Variants in TNFRSF19 observed in about 807,000 individuals in gnomAD.
TNFRSF19 encodes tumor necrosis factor receptor superfamily member 19.
TNFRSF19 carries 27 observed loss-of-function variants against 46.4 expected under a neutral mutation model. That is an observed-to-expected ratio of 0.58 (90% CI 0.43 to 0.80). TNFRSF19 has a LOEUF of 0.80. TNFRSF19 is among the 30% of genes least tolerant of loss of function. The probability of loss-of-function intolerance (pLI) is 0.00; values close to 1 mark genes in which losing one functional copy is unlikely to be tolerated. For missense variants in TNFRSF19, 511 were observed against 530.8 expected (o/e 0.96, Z 0.37); for synonymous variants, 204 against 205.0 (o/e 1.00, Z 0.04).
intron 5 of TNFRSF19, among the ~76,000 whole-genome samples, chr13:23,633,109 G>A (rs562216172): frequency 3.5e-5 from 4 of 114,584 alleles, no homozygotes; most frequent in East Asian, 2.3e-4. Flanking sequence ...ACTTGTTGAC[G>A]TCTTTTTTTT....
intron 1 of TNFRSF19, among the ~76,000 whole-genome samples, chr13:23,576,542 G>A (rs946670851): frequency 1.3e-5 from 2 of 152,178 alleles, no homozygotes; most frequent in African/African-American, 4.8e-5. Context: ...GGGAACTATA[G>A]TGTTTGTTCC....
chr13:23,607,098 A>G (rs1880559815), intron 3 of TNFRSF19, among the ~76,000 whole-genome samples: 1 of 150,026 alleles, frequency 6.7e-6, no homozygotes, highest in African/African-American at 2.5e-5. Flanking sequence ...TTTTCAGACA[A>G]CTACGTTTAT....
At chr13:23,629,880 G>A (rs1164751873) in intron 5 of TNFRSF19, among the ~76,000 whole-genome samples, 1 of 152,198 alleles carries the variant, frequency 6.6e-6, no homozygotes, top group African/African-American at 2.4e-5. Context: ...CTGCTTTGGA[G>A]TTGTCCTGGA....
intron 3 of TNFRSF19, among the ~76,000 whole-genome samples, chr13:23,609,664 TAACTCTTGTA>T (rs1880761727): frequency 6.6e-6 from 1 of 152,214 alleles, no homozygotes; most frequent in Non-Finnish European, 1.5e-5. Flanking sequence ...GTGAAAAAAT[TAACTCTTGTA>T]AACAACAACA....
At chr13:23,591,476 T>TAA (rs75040144) in intron 2 of TNFRSF19, among the ~76,000 whole-genome samples, 24 of 150,948 alleles carry the variant, frequency 1.6e-4, no homozygotes, top group Admixed American at 6.0e-4. Context: ...TAGATACAAA[T>TAA]AAAAAAAATA....
intron 1 of TNFRSF19, among the ~76,000 whole-genome samples, chr13:23,588,348 C>T (rs1168578315): frequency 6.6e-6 from 1 of 152,176 alleles, no homozygotes; most frequent in Non-Finnish European, 1.5e-5. Context: ...CCAGTTAGTC[C>T]TCACAATGCC....
At chr13:23,607,794 C>T (rs976197715) in intron 3 of TNFRSF19, among the ~76,000 whole-genome samples, 4 of 152,148 alleles carry the variant, frequency 2.6e-5, no homozygotes, top group African/African-American at 9.7e-5. Context: ...TCTAAAATAA[C>T]GCACTCTGGG....
chr13:23,574,874 A>C (rs748390290), intron 1 of TNFRSF19, among the ~76,000 whole-genome samples: 57 of 152,180 alleles, frequency 3.7e-4, no homozygotes, highest in Admixed American at 2.0e-4. Context: ...ATCAATACTC[A>C]CTTCTTTAGA....
chr13:23,577,876 G>C (rs769380423), intron 1 of TNFRSF19, among the ~76,000 whole-genome samples: 1 of 152,160 alleles, frequency 6.6e-6, no homozygotes, highest in Non-Finnish European at 1.5e-5. Flanking sequence ...TCTTCAGCCT[G>C]ACAGTAGCAG....
At position 23,615,864 on chromosome 13, in the gene TNFRSF19, C is replaced by T. The variant is rs199587289; in HGVS notation, c.181-3C>T. On this transcript the variant is annotated splice_polypyrimidine_tract_variant and splice_region_variant and intron_variant, in intron 3 of 9. Transcript: ENST00000248484. ...GCTTTCTGTTACCCGTTAATCCCCA[C>T]AGGAATGTGGCTTCGGCTATGGGGA... 46 of 1,591,232 alleles carry T rather than the reference C, an allele frequency of 2.9e-5. No individual in the cohort carries two copies. The highest frequency in any genetic ancestry group is 1.0e-4 in the Admixed American group (6 of 57,996).
chr13:23,646,509 G>T (rs1163639295), intron 5 of TNFRSF19, among the ~76,000 whole-genome samples: 1 of 152,014 alleles, frequency 6.6e-6, no homozygotes, highest in Non-Finnish European at 1.5e-5. Context: ...CCAATTCTAG[G>T]TATCTCTTGT....
chr13:23,638,748 C>T (rs1227228337), intron 5 of TNFRSF19, among the ~76,000 whole-genome samples: 3 of 152,120 alleles, frequency 2.0e-5, no homozygotes, highest in Non-Finnish European at 4.4e-5. Context: ...GCCTTAGTTT[C>T]TCTCCCTCAC....
intron 1 of TNFRSF19, among the ~76,000 whole-genome samples, chr13:23,571,695 C>G (rs1877641568): frequency 6.6e-6 from 1 of 152,004 alleles, no homozygotes; most frequent in Non-Finnish European, 1.5e-5. Context: ...TTAGCTAATG[C>G]CCAACATGAC....
intron 7 of TNFRSF19, among the ~76,000 whole-genome samples, chr13:23,664,727 A>G (rs1443812286): frequency 6.6e-6 from 1 of 152,206 alleles, no homozygotes; most frequent in African/African-American, 2.4e-5. Context: ...CATTGCTTCT[A>G]TGCAAACCTT....
intron 5 of TNFRSF19, among the ~76,000 whole-genome samples, chr13:23,644,914 CCTT>C (rs1221165188): frequency 6.6e-6 from 1 of 152,172 alleles, no homozygotes; most frequent in Non-Finnish European, 1.5e-5. Context: ...CTAGTGTAAT[CCTT>C]CTGTGATCCT....
intron 1 of TNFRSF19, among the ~76,000 whole-genome samples, chr13:23,580,348 C>T (rs1370926552): frequency 6.6e-6 from 1 of 152,092 alleles, no homozygotes; most frequent in African/African-American, 2.4e-5. Context: ...AACAGTTTAA[C>T]CCAAGATATG....
chr13:23,584,789 G>A (rs762906699), intron 1 of TNFRSF19, among the ~76,000 whole-genome samples: 1 of 152,066 alleles, frequency 6.6e-6, no homozygotes, highest in Non-Finnish European at 1.5e-5. Context: ...TCATTTTCCA[G>A]CCAATAACAA....
chr13:23,596,407 A>T (rs1244031982), intron 3 of TNFRSF19, among the ~76,000 whole-genome samples: 1 of 152,226 alleles, frequency 6.6e-6, no homozygotes, highest in African/African-American at 2.4e-5. Context: ...AGGAATATTT[A>T]CTAAGCAAAT....
chr13:23,663,209 G>T (rs2138401442), intron 7 of TNFRSF19, among the ~76,000 whole-genome samples: 1 of 152,268 alleles, frequency 6.6e-6, no homozygotes, highest in South Asian at 2.1e-4. Context: ...CTAGTTTATT[G>T]AGAGTTTTTA....
Sources: gnomAD v4.1 joint callset for allele counts (sites outside exome capture counted in the v4.1 genomes callset) on GRCh38, gnomAD v4.1.1 for gene constraint, MANE v1.5 for transcripts, NCBI Gene and HGNC (gene_info 2026-07-23, HGNC 2026-07-21) for gene names.